The following USP42 variants were observed in gnomAD, a reference collection of about 807,000 sequenced individuals.
USP42 encodes ubiquitin specific peptidase 42.
In USP42, 23 loss-of-function variants were observed where a neutral mutation model predicts 113.0. That is an observed-to-expected ratio of 0.20 (90% confidence interval 0.15 to 0.29). The LOEUF (loss-of-function observed/expected upper bound fraction) is 0.29, where lower values mean the gene tolerates loss of function less well. Among genes scored for constraint, USP42 ranks in the 10% least tolerant of loss-of-function variants. The pLI is 1.00. For synonymous variants in USP42, 933 were observed against 699.0 expected (o/e 1.33, Z -5.28); for missense variants, 2,174 against 1,779.8 (o/e 1.22, Z -3.99).
chr7:6,106,316 A>G (rs992669258), intron 1 of USP42, among the ~76,000 whole-genome samples: 3 of 152,256 alleles, frequency 2.0e-5, no homozygotes, highest in Admixed American at 2.0e-4. Flanking sequence ...TTGTTTACGA[A>G]GAAGCAGAGC....
chr7:6,090,675 A>G, the USP42 span, among the ~76,000 whole-genome samples: 6 of 146,738 alleles, frequency 4.1e-5, no homozygotes, highest in South Asian at 6.3e-4. Flanking sequence ...GGATCATGCC[A>G]CTGCACTCTA....
At chr7:6,087,983 C>G in the USP42 span, among the ~76,000 whole-genome samples, 15 of 150,960 alleles carry the variant, frequency 9.9e-5, no homozygotes, top group African/African-American at 3.2e-4. Flanking sequence ...GACATAGTAC[C>G]TCTCAACGGT....
At chr7:6,109,875 A>G (rs905575654) in intron 1 of USP42, among the ~76,000 whole-genome samples, 2 of 149,126 alleles carry the variant, frequency 1.3e-5, no homozygotes, top group Admixed American at 6.7e-5. Flanking sequence ...TAATTTTTGT[A>G]TTTTTAGTAG....
chr7:6,117,618 C>G (rs770976513), intron 3 of USP42, among the ~76,000 whole-genome samples: 3 of 152,116 alleles, frequency 2.0e-5, no homozygotes, highest in Non-Finnish European at 4.4e-5. Flanking sequence ...AAGAGACTTC[C>G]AGACTTTCCA....
chr7:6,090,392 T>C, the USP42 span, among the ~76,000 whole-genome samples: 5 of 138,712 alleles, frequency 3.6e-5, no homozygotes, highest in Non-Finnish European at 7.5e-5. Flanking sequence ...ATTATATAGG[T>C]TTATATTTAT....
intron 4 of USP42, among the ~76,000 whole-genome samples, chr7:6,138,398 G>A (rs1032003651): frequency 6.6e-6 from 1 of 152,164 alleles, no homozygotes; most frequent in Non-Finnish European, 1.5e-5. Flanking sequence ...TATTTTGAAT[G>A]GATTCTGTAT....
Position 6,157,156 on chromosome 7 carries a change from C to T in USP42, c.3943+101C>T, listed in dbSNP as rs1464833654. On this transcript the variant is annotated intron_variant, in intron 16 of 17. Transcript: ENST00000306177. This position sits in a 1 kb window ranked among gnomAD's most constrained non-coding sequence, Gnocchi z 4.1. ...GTAGAAAGAAAACCTCAGGTGGCAT[C>T]AAAGGGCACAGTTACTCAGAGCACC... The T allele has an allele frequency of 1.4e-6, 2 of 1,444,672 alleles. No homozygotes were observed. Among genetic ancestry groups the T allele is most frequent in the Admixed American group, 5.6e-5 (2 of 35,670 alleles). 89.5% of individuals were successfully genotyped at this position (1,444,672 alleles called of 1,614,324 possible).
rs1190124731 is a variant in USP42, at chr7:6,161,496, A to C, written c.*978A>C. ...ATCTTTGTTTTTCTAAAGATTAAAA[A>C]AGCACTTGCCCCACTGTAAATATAC... On this transcript the variant is annotated 3_prime_UTR_variant, in exon 18 of 18. Coordinates refer to ENST00000306177, the MANE Select transcript of USP42 (RefSeq NM_032172.3). 6.6e-6 allele frequency: 1 copy of C among 152,664 alleles called. No individual in the cohort carries two copies. The highest frequency in any genetic ancestry group is 1.5e-5 in the Non-Finnish European group (1 of 68,046). 9.5% of individuals were successfully genotyped at this position (152,664 alleles called of 1,614,324 possible). A position where few individuals can be genotyped will look rare whatever the true frequency, so the allele number is the denominator to read the frequency against.
chr7:6,113,765 G>T (rs7794907), intron 2 of USP42, among the ~76,000 whole-genome samples: 1,695 of 152,196 alleles, frequency 0.011, 33 homozygotes, highest in African/African-American at 0.038. Context: ...GGGACTACAG[G>T]TGCCTGCCAC....
At chr7:6,107,751 A>G (rs903758603) in intron 1 of USP42, among the ~76,000 whole-genome samples, 1 of 151,620 alleles carries the variant, frequency 6.6e-6, no homozygotes, top group Non-Finnish European at 1.5e-5. Context: ...CTGTCCCCAC[A>G]CTGTTTCATA....
chr7:6,123,981 G>A (rs935600001), intron 3 of USP42, among the ~76,000 whole-genome samples: 2 of 151,750 alleles, frequency 1.3e-5, no homozygotes, highest in East Asian at 3.9e-4. Flanking sequence ...GTTCAACTCT[G>A]CCTCCTGCCT....
chr7:6,124,076 A>G (rs968026714), intron 3 of USP42, among the ~76,000 whole-genome samples: 1 of 152,022 alleles, frequency 6.6e-6, no homozygotes, highest in African/African-American at 2.4e-5. Context: ...GGGTTTCACC[A>G]TGTTGGCCAG....
the USP42 span, among the ~76,000 whole-genome samples, chr7:6,095,294 G>A: frequency 6.0e-5 from 9 of 151,162 alleles, no homozygotes; most frequent in African/African-American, 9.9e-5. Context: ...TTAGAGCTGC[G>A]TTAACTTGGA....
At chr7:6,126,493 GC>G (rs1780551773) in intron 3 of USP42, among the ~76,000 whole-genome samples, 1 of 152,146 alleles carries the variant, frequency 6.6e-6, no homozygotes, top group African/African-American at 2.4e-5. Flanking sequence ...CACCGTGTTA[GC>G]CAGGATGGTC....
chr7:6,140,292 A>C, intron 6 of USP42, 97 bp downstream of exon 6: 33 of 1,115,802 alleles, frequency 3.0e-5, no homozygotes, highest in Non-Finnish European at 3.7e-5. Context: ...AGGAAGGAAA[A>C]GTGCTTCTCT....
At chr7:6,102,655 G>A (rs939657948), upstream of USP42, among the ~76,000 whole-genome samples, 6 of 150,768 alleles carry the variant, frequency 4.0e-5, no homozygotes, top group African/African-American at 1.5e-4. Flanking sequence ...TGTGGGCTGC[G>A]CAGAAGAGGC....
chr7:6,082,769 C>A, the USP42 span, among the ~76,000 whole-genome samples: 2 of 149,386 alleles, frequency 1.3e-5, no homozygotes, highest in African/African-American at 5.1e-5. Flanking sequence ...CACCGCTACA[C>A]CTGGCTAATG....
chr7:6,153,235 T>A (rs949091446), intron 14 of USP42, among the ~76,000 whole-genome samples: 9 of 150,878 alleles, frequency 6.0e-5, no homozygotes, highest in Admixed American at 1.3e-4. Flanking sequence ...ATCACACCAC[T>A]GCGCTCCAGC....
At chr7:6,112,629 C>T (rs1318700774) in intron 2 of USP42, among the ~76,000 whole-genome samples, 2 of 152,158 alleles carry the variant, frequency 1.3e-5, no homozygotes, top group African/African-American at 4.8e-5. Context: ...AATAGAATTT[C>T]CTAGTTAGAT....
Sources: gnomAD v4.1 joint callset for allele counts (sites outside exome capture counted in the v4.1 genomes callset) on GRCh38, gnomAD v4.1.1 for gene constraint, Gnocchi (gnomAD v3.1) non-coding constraint, MANE v1.5 for transcripts, NCBI Gene and HGNC (gene_info 2026-07-23, HGNC 2026-07-21) for gene names.